The following TMC8 variants were observed in gnomAD, a reference collection of about 807,000 sequenced individuals.
TMC8 encodes transmembrane channel like 8.
In TMC8, 71 loss-of-function variants were observed where a neutral mutation model predicts 76.0. That is an observed-to-expected ratio of 0.93 (90% CI 0.77 to 1.14). The LOEUF is 1.14. TMC8 is among the 50% of genes most tolerant of loss of function. The pLI is 0.00. For synonymous variants in TMC8, 433 were observed against 433.8 expected (o/e 1.00, Z 0.02); for missense variants, 924 against 947.9 (o/e 0.97, Z 0.33).
chr17:78,131,486 G>A lies in TMC8; in HGVS notation c.-103G>A, dbSNP rs969881722. The A allele has an allele frequency of 1.4e-6, 2 of 1,477,568 alleles. No individual in the cohort carries two copies. Among genetic ancestry groups the A allele is most frequent in the Non-Finnish European group, 9.1e-7 (1 of 1,096,512 alleles). The allele number at this position is 1,477,568 out of a possible 1,614,324, so 91.5% of individuals were successfully genotyped here. A position where few individuals can be genotyped will look rare whatever the true frequency, so the allele number is the denominator to read the frequency against. ...CGGAAGGGCCCGCCCCCAGCCCAGC[G>A]TGCACAGAGGCCATAGCCAAGGCCT... On this transcript the variant is annotated 5_prime_UTR_variant, in exon 2 of 16. The change creates a new upstream start codon in the 5' untranslated region. Coordinates refer to ENST00000318430, the MANE Select transcript of TMC8 (RefSeq NM_152468.5).
chr17:78,138,674 C>A lies in TMC8; in HGVS notation c.1765C>A (p.Arg589Ser). ...CCTTGGGCTCCCGCCCATTGGCCAG[C>A]GTGCCCTCCACTACCTGGGCTCCCA... ...VALGLPPIGQ[R>S]ALHYLGSHAF... Residue 589 changes from arginine (R) to serine (S), a missense_variant, in exon 14 of 16, where the codon CGT (arginine) becomes AGT (serine). Coordinates refer to ENST00000318430, the MANE Select transcript of TMC8 (RefSeq NM_152468.5). 6.2e-7 allele frequency: 1 copy of A among 1,613,436 alleles called. No homozygotes were observed.
rs2075388666 is a variant in TMC8, at chr17:78,142,467, TC to T, written c.*1356del. 1 of 152,354 alleles carries T rather than the reference TC, an allele frequency of 6.6e-6. No homozygotes were observed. Among genetic ancestry groups the T allele is most frequent in the Non-Finnish European group, 1.5e-5 (1 of 68,146 alleles). 9.4% of individuals were successfully genotyped at this position (152,354 alleles called of 1,614,324 possible). ...GGCTGGGGGCTTCTTCACATGGTCA[TC>T]AAAGACTTGGCCAGTTCCGCCTCTC... On this transcript the variant is annotated 3_prime_UTR_variant, in exon 16 of 16. Coordinates refer to ENST00000318430, the MANE Select transcript of TMC8 (RefSeq NM_152468.5).
rs2074958614 is a variant in TMC8, at chr17:78,131,331, G to GC, written c.-257dup. On this transcript the variant is annotated 5_prime_UTR_variant, in exon 2 of 16. The change creates a premature stop within an existing upstream ORF in the 5' untranslated region. Transcript: ENST00000318430. ...GTGTCCCTCTGAGAGTTGGAGCGGGGCTGGGCCCGAATTCGACCGCAGCAG... is the reference window on the plus strand; with the variant it reads ...GTGTCCCTCTGAGAGTTGGAGCGGGGCCTGGGCCCGAATTCGACCGCAGCAG... 3.4e-6 allele frequency: 2 copies of GC among 584,414 alleles called. No individual in the cohort carries two copies. The highest frequency in any genetic ancestry group is 6.0e-5 in the Admixed American group (2 of 33,408). 36.2% of individuals were successfully genotyped at this position (584,414 alleles called of 1,614,324 possible). A position where few individuals can be genotyped will look rare whatever the true frequency, so the allele number is the denominator to read the frequency against.
chr17:78,137,568 TC>T (rs1338448054), intron 10 of TMC8, 148 bp from the exon 11 acceptor site: 1 of 1,118,980 alleles, frequency 8.9e-7, no homozygotes, highest in African/African-American at 1.5e-5. Flanking sequence ...CCTGCTCTAA[TC>T]CCATCCTCAA....
At position 78,137,822 on chromosome 17, in the gene TMC8, C is replaced by T. The variant is rs1271658702; in HGVS notation, c.1349+8C>T. The T allele has an allele frequency of 1.9e-6, 3 of 1,612,530 alleles. No individual in the cohort carries two copies. The highest frequency in any genetic ancestry group is 2.5e-6 in the Non-Finnish European group (3 of 1,179,792). ...GGTCACCCTGCCTCGGAGGTGAGCCCCGGGGTGACACCTCCAGAAGGGCGG... is the reference window on the plus strand; with the variant it reads ...GGTCACCCTGCCTCGGAGGTGAGCCTCGGGGTGACACCTCCAGAAGGGCGG... On this transcript the variant is annotated splice_region_variant and intron_variant, in intron 11 of 15. Transcript: ENST00000318430.
intron 14 of TMC8, 143 bp downstream of exon 14, chr17:78,138,875 C>T (rs959121578): frequency 1.3e-6 from 2 of 1,538,854 alleles, no homozygotes; most frequent in African/African-American, 1.4e-5. Context: ...AAAGCAGGAA[C>T]CTCCTGGGCC....
intron 9 of TMC8, 194 bp from the exon 10 acceptor site, chr17:78,137,041 C>G: frequency 2.7e-6 from 2 of 745,792 alleles, no homozygotes; most frequent in East Asian, 3.0e-5. Context: ...AACCCTTTTT[C>G]CCATGAATCG....
At position 78,131,649 on chromosome 17, in the gene TMC8, C is replaced by G. The variant is rs1414606577; in HGVS notation, c.61C>G (p.Leu21Val). The stretch of plus-strand genomic sequence containing the variant: ...CCCTGGGGTGCCGGAGCCGGAGGAG[C>G]TGTGGGAGGCAGAGATGGAGCGGCT... ...RAPGVPEPEE[L>V]WEAEMERLRG... The change falls in exon 2 of 16, where the codon CTG becomes GTG. Residue 21 changes from leucine (L) to valine (V), a missense_variant. Leu to Val is a conservative substitution (Grantham distance 32). Transcript: ENST00000318430. The G allele has an allele frequency of 6.4e-7, 1 of 1,561,398 alleles. No homozygotes were observed. Among genetic ancestry groups the G allele is most frequent in the African/African-American group, 1.4e-5 (1 of 73,946 alleles).
In TMC8 at chr17:78,131,717, G is replaced by A. The variant is rs2074976072; in HGVS notation, c.129G>A (p.Met43Ile). The change falls in exon 2 of 16, where the codon ATG (methionine) becomes ATA (isoleucine). Residue 43 changes from methionine to isoleucine, a missense_variant. Met to Ile is a conservative substitution (Grantham distance 10). Coordinates refer to ENST00000318430, the MANE Select transcript of TMC8 (RefSeq NM_152468.5). The part of the protein sequence containing the change: ...GTPVRGLPYA[M>I]MDKRLIWQLR... ...CCGTGCGCGGGCTGCCCTATGCCAT[G>A]ATGGACAAGCGCCTCATCTGGTGGG... 6.3e-7 allele frequency: 1 copy of A among 1,584,910 alleles called. No homozygotes were observed. Among genetic ancestry groups the A allele is most frequent in the Non-Finnish European group, 8.6e-7 (1 of 1,167,586 alleles).
Position 78,133,549 on chromosome 17 carries a change from G to T in TMC8, c.668+7G>T. 1 of 1,610,688 alleles carries T rather than the reference G, an allele frequency of 6.2e-7. No individual in the cohort carries two copies. Among genetic ancestry groups the T allele is most frequent in the Non-Finnish European group, 8.5e-7 (1 of 1,179,982 alleles). ...TCTGTGGGACTCTGCGGCGGTGAGA[G>T]CGAGGTCCACACCTTCACCCCTTCC... is the stretch of plus-strand genomic sequence containing the variant. On this transcript the variant is annotated splice_region_variant and intron_variant, in intron 6 of 15. Coordinates refer to ENST00000318430, the MANE Select transcript of TMC8 (RefSeq NM_152468.5).
intron 9 of TMC8, chr17:78,136,627 A>G (rs1209643250): frequency 5.7e-6 from 1 of 176,134 alleles, no homozygotes; most frequent in African/African-American, 2.4e-5. Flanking sequence ...TAGGCGGCGG[A>G]GGAAAGGAGG....
Position 78,137,076 on chromosome 17 carries a change from G to A in TMC8, c.1128-159G>A, listed in dbSNP as rs188710832. ...GCCTGGAGACTCGGACTCTGAGAAC[G>A]CACTTTGGACCACATTGCCACAGAC... is the stretch of plus-strand genomic sequence containing the variant. On this transcript the variant is annotated intron_variant, in intron 9 of 15. Coordinates refer to ENST00000318430, the MANE Select transcript of TMC8 (RefSeq NM_152468.5). The A allele has an allele frequency of 4.2e-4, 461 of 1,102,770 alleles. 2 individuals are homozygous for A. In the African/African-American group the frequency reaches 6.3e-3, roughly 15 times the overall value. 68.3% of individuals were successfully genotyped at this position (1,102,770 alleles called of 1,614,324 possible). A position where few individuals can be genotyped will look rare whatever the true frequency, so the allele number is the denominator to read the frequency against.
At chr17:78,133,291 G>C (rs753249628) in intron 5 of TMC8, 115 bp from the exon 6 acceptor site, 21 of 1,541,962 alleles carry the variant, frequency 1.4e-5, no homozygotes, top group Non-Finnish European at 1.8e-5. Context: ...TTGTAAGACG[G>C]GACACTCCCT....
In TMC8 at chr17:78,131,441, C is replaced by G. The variant is rs2074961652; in HGVS notation, c.-148C>G. ...CCTAGGGCTGCAGGAGCCCAGGCCCCGACGCCGGCGCAGAGGGGACGGAAG... is the reference window on the plus strand; with the variant it reads ...CCTAGGGCTGCAGGAGCCCAGGCCCGGACGCCGGCGCAGAGGGGACGGAAG... On this transcript the variant is annotated 5_prime_UTR_variant, in exon 2 of 16. Transcript: ENST00000318430. 3 of 1,175,944 alleles carry G rather than the reference C, an allele frequency of 2.6e-6. No homozygotes were observed. Among genetic ancestry groups the G allele is most frequent in the Admixed American group, 2.1e-5 (1 of 47,102 alleles). 72.8% of individuals were successfully genotyped at this position (1,175,944 alleles called of 1,614,324 possible).
Position 78,131,531 on chromosome 17 carries a change from G to A in TMC8, c.-58G>A, listed in dbSNP as rs980301193. 1.3e-6 allele frequency: 2 copies of A among 1,534,692 alleles called. No individual in the cohort carries two copies. Among genetic ancestry groups the A allele is most frequent in the East Asian group, 4.9e-5 (2 of 40,888 alleles). On this transcript the variant is annotated 5_prime_UTR_variant, in exon 2 of 16. Coordinates refer to ENST00000318430, the MANE Select transcript of TMC8 (RefSeq NM_152468.5). ...AGGCCTTAAGGCTCATCCAACCGGG[G>A]ACTCATATCCCCCCCACCGGCAGCC...
intron 8 of TMC8, 45 bp downstream of exon 8, chr17:78,134,609 G>A: frequency 6.2e-7 from 1 of 1,608,640 alleles, no homozygotes; most frequent in East Asian, 2.2e-5. Flanking sequence ...GAACTGCGGG[G>A]GTGAGACAGG....
intron 15 of TMC8, among the ~76,000 whole-genome samples, chr17:78,140,582 A>C (rs537428424): frequency 6.9e-6 from 1 of 145,474 alleles, no homozygotes; most frequent in East Asian, 2.0e-4. Flanking sequence ...ACGTGGAAGG[A>C]GTGGCATCTG....
Position 78,133,536 on chromosome 17 carries a change from T to A in TMC8, c.662T>A (p.Leu221Gln). The A allele has an allele frequency of 6.2e-7, 1 of 1,612,238 alleles. No homozygotes were observed. Among genetic ancestry groups the A allele is most frequent in the Non-Finnish European group, 8.5e-7 (1 of 1,179,976 alleles). ...CTGCTCCTCTGCTTCTGTGGGACTC[T>A]GCGGCGGTGAGAGCGAGGTCCACAC... ...ACLLLCFCGT[L>Q]RRMVKGLPQK... Residue 221 changes from leucine (L) to glutamine (Q), a missense_variant, in exon 6 of 16, where the codon CTG becomes CAG. By Grantham distance (113) the Leu-to-Gln change is moderately radical. Transcript: ENST00000318430.
At position 78,138,073 on chromosome 17, in the gene TMC8, A is replaced by G. The variant is rs1053461998; in HGVS notation, c.1418A>G (p.Lys473Arg). 10 of 1,613,986 alleles carry G rather than the reference A, an allele frequency of 6.2e-6. No individual in the cohort carries two copies. The African/African-American group carries it at 8.0e-5, about 13-fold the overall frequency. ...WLEREEFLVP[K>R]NVLDIVAGQT... ...GAACGGGAGGAGTTCCTGGTCCCCA[A>G]GAATGTGCTGGACATCGTGGCGGGG... The change falls in exon 12 of 16, where the codon AAG becomes AGG. Residue 473 changes from lysine to arginine, a missense_variant. Physicochemically the swap from Lys to Arg is conservative, Grantham distance 26. Transcript: ENST00000318430.
Sources: gnomAD v4.1 joint callset for allele counts (sites outside exome capture counted in the v4.1 genomes callset) on GRCh38, gnomAD v4.1.1 for gene constraint, MANE v1.5 for transcripts, NCBI Gene and HGNC (gene_info 2026-07-23, HGNC 2026-07-21) for gene names.